USP49: variants seen among roughly 807,000 people sequenced by gnomAD.
USP49 encodes the protein ubiquitin specific peptidase 49, also known as ubiquitin carboxyl-terminal hydrolase 49.
Under a neutral mutation model 58.6 loss-of-function variants are expected in USP49, and 24 were observed. That is an observed-to-expected ratio of 0.41 (90% CI 0.30 to 0.58). USP49 has a LOEUF of 0.58. USP49 is among the 20% of genes least tolerant of loss of function. USP49 has a pLI of 0.30. For synonymous variants in USP49, 408 were observed against 365.1 expected (o/e 1.12, Z -1.34); for missense variants, 703 against 866.1 (o/e 0.81, Z 2.36).
chr6:41,818,910 C>T lies in USP49; in HGVS notation c.-28-11899G>A, dbSNP rs192103138. 1.1e-4 allele frequency among the ~76,000 whole-genome samples: 17 copies of T among 152,178 alleles called. No homozygotes were observed. In the South Asian group the frequency reaches 2.1e-3, roughly 19 times the overall value. ...TAGATCAGCTCCATTAAGTGCAGCA[C>T]ATGTACAATGAGACTTACACAATGC... On this transcript the variant is annotated intron_variant, in intron 3 of 7. Transcript: ENST00000682992.
chr6:41,801,651 A>G (rs1288785190), intron 5 of USP49, among the ~76,000 whole-genome samples: 1 of 152,242 alleles, frequency 6.6e-6, no homozygotes, highest in Admixed American at 6.5e-5. Flanking sequence ...AAGACAATAT[A>G]GAGTCAGGCT....
At chr6:41,867,029 A>G (rs1456924397) in intron 3 of USP49, among the ~76,000 whole-genome samples, 1 of 152,228 alleles carries the variant, frequency 6.6e-6, no homozygotes, top group Non-Finnish European at 1.5e-5. Context: ...CACTTATAGG[A>G]GGGCCAAGAC....
intron 3 of USP49, among the ~76,000 whole-genome samples, chr6:41,845,328 G>A (rs968194748): frequency 3.9e-5 from 6 of 151,928 alleles, no homozygotes; most frequent in East Asian, 1.9e-4. Flanking sequence ...ACCTCAGGTC[G>A]CAGTTTGAGA....
At chr6:41,833,782 A>G (rs929158386) in intron 3 of USP49, among the ~76,000 whole-genome samples, 1 of 152,240 alleles carries the variant, frequency 6.6e-6, no homozygotes, top group Admixed American at 6.5e-5. Context: ...AGAAAGGGCC[A>G]AATGATGAGG....
chr6:41,855,732 G>A (rs1347330347), intron 3 of USP49, among the ~76,000 whole-genome samples: 11 of 151,822 alleles, frequency 7.2e-5, no homozygotes, highest in Admixed American at 6.6e-4. Context: ...CTGGAAACTC[G>A]ACACACTTAA....
chr6:41,883,477 T>C (rs1407487553), intron 2 of USP49, among the ~76,000 whole-genome samples: 1 of 145,410 alleles, frequency 6.9e-6, no homozygotes, highest in African/African-American at 2.6e-5. Context: ...GCCAACATGG[T>C]GAAACCCCAT....
At chr6:41,802,423 TTTTATTTTA>T (rs1190300284) in intron 5 of USP49, among the ~76,000 whole-genome samples, 4 of 110,330 alleles carry the variant, frequency 3.6e-5, no homozygotes, top group African/African-American at 6.7e-5. Context: ...TTTTATTTTA[TTTTATTTTA>T]TTTATTTATT....
intron 3 of USP49, among the ~76,000 whole-genome samples, chr6:41,863,882 G>A (rs1340141797): frequency 6.6e-6 from 1 of 151,820 alleles, no homozygotes; most frequent in East Asian, 1.9e-4. Context: ...CTCAGCCCTT[G>A]GAACAGCTGG....
At chr6:41,854,007 A>AG (rs1774080949) in intron 3 of USP49, among the ~76,000 whole-genome samples, 1 of 146,202 alleles carries the variant, frequency 6.8e-6, no homozygotes. Flanking sequence ...CTCGAAAAAA[A>AG]AAAAAAAAAA....
chr6:41,822,705 C>T (rs1169118825), intron 3 of USP49, among the ~76,000 whole-genome samples: 3 of 151,932 alleles, frequency 2.0e-5, no homozygotes, highest in East Asian at 1.9e-4. Context: ...TTTAGCTGGG[C>T]GTAGTGGCGC....
chr6:41,862,497 A>T (rs1774240819), intron 3 of USP49, among the ~76,000 whole-genome samples: 1 of 152,166 alleles, frequency 6.6e-6, no homozygotes, highest in Non-Finnish European at 1.5e-5. Flanking sequence ...TGTAAAATTG[A>T]TTTCTAAAAA....
At chr6:41,882,371 T>C (rs914908919) in intron 2 of USP49, among the ~76,000 whole-genome samples, 2 of 152,198 alleles carry the variant, frequency 1.3e-5, no homozygotes, top group Admixed American at 1.3e-4. Flanking sequence ...ACAAATCAAC[T>C]GGAAGGTTCA....
At chr6:41,890,170 G>A (rs554224598) in intron 2 of USP49, among the ~76,000 whole-genome samples, 1 of 152,012 alleles carries the variant, frequency 6.6e-6, no homozygotes, top group African/African-American at 2.4e-5. Context: ...TTGAGGTCAG[G>A]AGTTCGAGAC....
Position 41,860,727 on chromosome 6 carries a change from G to T in USP49, c.-29+10837C>A, listed in dbSNP as rs548481625. On this transcript the variant is annotated intron_variant, in intron 3 of 7. Transcript: ENST00000682992. ...TAGTTTCACCATGTTGGCCAGGATG[G>T]TCTCAATCTCCTCACCTCGTGATCC... Among the ~76,000 whole-genome samples the T allele has an allele frequency of 4.8e-3, 725 of 151,992 alleles. 5 individuals are homozygous for T. The highest frequency in any genetic ancestry group is 0.016 in the African/African-American group (681 of 41,472).
intron 3 of USP49, among the ~76,000 whole-genome samples, chr6:41,834,498 G>A (rs2395794): frequency 0.19 from 28,183 of 152,082 alleles, 3,192 homozygotes; most frequent in East Asian, 0.29. Context: ...ATGTTGAATT[G>A]TAATCCCCAG....
chr6:41,834,255 C>T (rs571546404), intron 3 of USP49, among the ~76,000 whole-genome samples: 6 of 152,246 alleles, frequency 3.9e-5, no homozygotes, highest in South Asian at 2.1e-4. Context: ...ATCATAACAT[C>T]GAGCACTGAG....
chr6:41,817,459 T>TTC (rs1491070684), intron 3 of USP49, among the ~76,000 whole-genome samples: 5 of 328 alleles, frequency 0.015, no homozygotes. Context: ...CTTTCTTTCT[T>TTC]TTTTTTTTTT....
intron 3 of USP49, among the ~76,000 whole-genome samples, chr6:41,839,194 C>T (rs1006696263): frequency 2.0e-5 from 3 of 151,632 alleles, no homozygotes; most frequent in Admixed American, 1.3e-4. Flanking sequence ...ATTGCTTGAG[C>T]TTAGGAGTGT....
At chr6:41,823,753 C>T (rs1773489681) in intron 3 of USP49, among the ~76,000 whole-genome samples, 2 of 152,124 alleles carry the variant, frequency 1.3e-5, no homozygotes, top group South Asian at 2.1e-4. Flanking sequence ...CATGGAACAG[C>T]TCCTAACATT....
Sources: allele counts gnomAD v4.1 joint callset (sites outside exome capture counted in the v4.1 genomes callset), GRCh38; gene constraint gnomAD v4.1.1; transcripts MANE v1.5; gene names NCBI Gene and HGNC (gene_info 2026-07-23, HGNC 2026-07-21).